The following FGGY variants were observed in gnomAD, a reference collection of about 807,000 sequenced individuals.
FGGY encodes the protein FGGY carbohydrate kinase domain containing.
In FGGY, 72 loss-of-function variants were observed where a neutral mutation model predicts 71.3. The ratio of observed to expected loss-of-function variants is 1.01; its 90% confidence interval spans 0.84 to 1.23. The LOEUF (loss-of-function observed/expected upper bound fraction) is 1.23, where lower values mean the gene tolerates loss of function less well. Ranked by LOEUF, FGGY falls within the 50% of genes most tolerant of loss-of-function variation. The pLI, the probability that FGGY is intolerant of heterozygous loss-of-function variation, is 0.00. For synonymous variants in FGGY, 251 were observed against 250.3 expected (o/e 1.00, Z -0.02); for missense variants, 668 against 682.3 (o/e 0.98, Z 0.23).
At chr1:59,700,820 G>T (rs1296880261) in intron 14 of FGGY, among the ~76,000 whole-genome samples, 1 of 152,178 alleles carries the variant, frequency 6.6e-6, no homozygotes, top group Admixed American at 6.5e-5. Context: ...GGTGTGAAGG[G>T]CTGGCTTTGT....
At chr1:59,393,961 A>G (rs940340479) in intron 5 of FGGY, among the ~76,000 whole-genome samples, 4 of 152,228 alleles carry the variant, frequency 2.6e-5, no homozygotes, top group African/African-American at 4.8e-5. Context: ...ACACACATAT[A>G]TAAGAATGGC....
intron 14 of FGGY, among the ~76,000 whole-genome samples, chr1:59,725,120 G>C (rs1246636277): frequency 6.6e-6 from 1 of 152,122 alleles, no homozygotes; most frequent in African/African-American, 2.4e-5. Flanking sequence ...GATCCACTTT[G>C]AGTTAATTTT....
intron 7 of FGGY, among the ~76,000 whole-genome samples, chr1:59,549,039 A>G (rs2095568123): frequency 6.6e-6 from 1 of 152,180 alleles, no homozygotes; most frequent in South Asian, 2.1e-4. Flanking sequence ...TTTAACATAA[A>G]TGAATGTTAG....
At chr1:59,551,582 A>C (rs1227762512) in intron 7 of FGGY, among the ~76,000 whole-genome samples, 2 of 151,964 alleles carry the variant, frequency 1.3e-5, no homozygotes, top group Non-Finnish European at 2.9e-5. Context: ...ATAAGTGAAC[A>C]TTGGTTGCCT....
At chr1:59,311,823 C>T (rs937304661) in intron 1 of FGGY, among the ~76,000 whole-genome samples, 1 of 152,202 alleles carries the variant, frequency 6.6e-6, no homozygotes, top group Non-Finnish European at 1.5e-5. Context: ...GCCATACTGC[C>T]TTCTACTCTT....
chr1:59,456,323 ATTTT>A (rs927134737), intron 5 of FGGY, among the ~76,000 whole-genome samples: 3 of 152,146 alleles, frequency 2.0e-5, no homozygotes, highest in Non-Finnish European at 4.4e-5. Flanking sequence ...AAATTTCATA[ATTTT>A]TTTATCAAAT....
At chr1:59,596,834 C>T (rs1451951214) in intron 8 of FGGY, among the ~76,000 whole-genome samples, 2 of 152,170 alleles carry the variant, frequency 1.3e-5, no homozygotes, top group Non-Finnish European at 2.9e-5. Context: ...ACATATCAGG[C>T]AGCTAGGGAA....
At chr1:59,359,211 T>C (rs2054930079) in intron 4 of FGGY, among the ~76,000 whole-genome samples, 1 of 152,256 alleles carries the variant, frequency 6.6e-6, no homozygotes, top group Non-Finnish European at 1.5e-5. Flanking sequence ...ATTTTTAGTA[T>C]TATTACTTCA....
intron 13 of FGGY, among the ~76,000 whole-genome samples, chr1:59,668,342 T>C: frequency 6.6e-6 from 1 of 152,138 alleles, no homozygotes; most frequent in Admixed American, 6.5e-5. Context: ...GGTGGCCAGG[T>C]ACCACCAGGG....
At chr1:59,369,762 C>G (rs574623026) in intron 4 of FGGY, among the ~76,000 whole-genome samples, 1 of 152,164 alleles carries the variant, frequency 6.6e-6, no homozygotes, top group Non-Finnish European at 1.5e-5. Context: ...TCACGAAAAA[C>G]GACTGTTCTG....
At chr1:59,743,845 C>CA (rs1238961806) in intron 14 of FGGY, among the ~76,000 whole-genome samples, 1 of 152,178 alleles carries the variant, frequency 6.6e-6, no homozygotes, top group Non-Finnish European at 1.5e-5. Flanking sequence ...CCTTTCTGTC[C>CA]ATTGTTCATC....
intron 6 of FGGY, among the ~76,000 whole-genome samples, chr1:59,472,880 A>G (rs2093039034): frequency 6.6e-6 from 1 of 152,088 alleles, no homozygotes; most frequent in African/African-American, 2.4e-5. Flanking sequence ...TGTCTAGCTC[A>G]GGGTTTGTGA....
intron 7 of FGGY, among the ~76,000 whole-genome samples, chr1:59,532,043 CAA>C (rs960777040): frequency 1.3e-5 from 2 of 152,008 alleles, no homozygotes; most frequent in Non-Finnish European, 2.9e-5. Context: ...AGAGTAAAAA[CAA>C]AGCCACAGAA....
chr1:59,521,940 C>T (rs1391924947), intron 7 of FGGY, among the ~76,000 whole-genome samples: 1 of 152,206 alleles, frequency 6.6e-6, no homozygotes, highest in Non-Finnish European at 1.5e-5. Context: ...TTGTCACAAT[C>T]TACAAAAAGC....
chr1:59,392,825 AGGGAGCCCTCT>A (rs938113755), intron 5 of FGGY, among the ~76,000 whole-genome samples: 2 of 152,176 alleles, frequency 1.3e-5, no homozygotes, highest in Non-Finnish European at 2.9e-5. Flanking sequence ...AATTGCAGTC[AGGGAGCCCTCT>A]GTTCCCAGAT....
chr1:59,642,345 G>A lies in FGGY; in HGVS notation c.1221+3970G>A, dbSNP rs182104925. ...GTGAGTGGGGATAAGAGCAAATCACGGCTGTGTGCGGTGGCTCACGCCTGT... is the reference window on the plus strand; with the variant it reads ...GTGAGTGGGGATAAGAGCAAATCACAGCTGTGTGCGGTGGCTCACGCCTGT... On this transcript the variant is annotated intron_variant, in intron 11 of 15. Coordinates refer to ENST00000303721, the MANE Select transcript of FGGY (RefSeq NM_018291.5). Among the ~76,000 whole-genome samples the A allele has an allele frequency of 1.9e-4, 29 of 152,344 alleles. 2 individuals are homozygous for A. The East Asian group carries it at 4.2e-3, about 22-fold the overall frequency.
intron 6 of FGGY, among the ~76,000 whole-genome samples, chr1:59,510,048 T>C (rs1232948483): frequency 6.6e-6 from 1 of 151,622 alleles, no homozygotes; most frequent in Non-Finnish European, 1.5e-5. Flanking sequence ...TTCTTTTTTT[T>C]TTTTTTTAAC....
At chr1:59,334,438 C>T (rs904927009) in intron 2 of FGGY, among the ~76,000 whole-genome samples, 1 of 152,146 alleles carries the variant, frequency 6.6e-6, no homozygotes, top group African/African-American at 2.4e-5. Context: ...GCCATTGCAC[C>T]CGGCCCCCAC....
chr1:59,704,795 C>CA (rs931493205), intron 14 of FGGY, among the ~76,000 whole-genome samples: 16 of 150,286 alleles, frequency 1.1e-4, no homozygotes, highest in Middle Eastern at 3.5e-3. Context: ...TAGAGAAATA[C>CA]AAAAAAAAAG....
Sources: allele counts gnomAD v4.1 joint callset (sites outside exome capture counted in the v4.1 genomes callset), GRCh38; gene constraint gnomAD v4.1.1; transcripts MANE v1.5; gene names NCBI Gene and HGNC (gene_info 2026-07-23, HGNC 2026-07-21).